Variants in CEP192 observed in about 807,000 individuals in gnomAD.
The protein encoded by CEP192 is centrosomal protein 192.
Under a neutral mutation model 271.8 loss-of-function variants are expected in CEP192, and 151 were observed. The observed-to-expected ratio is 0.56, with a 90% CI of 0.49 to 0.64. The LOEUF is 0.64. Ranked by LOEUF, CEP192 falls within the 30% of genes least tolerant of loss-of-function variation. The pLI, the probability that CEP192 is intolerant of heterozygous loss-of-function variation, is 0.00. For synonymous variants in CEP192, 995 were observed against 1,076.5 expected (o/e 0.92, Z 1.48); for missense variants, 2,910 against 3,020.5 (o/e 0.96, Z 0.86).
At chr18:13,072,957 T>G in intron 29 of CEP192, 52 bp from the exon 30 acceptor site, 1 of 1,570,012 alleles carries the variant, frequency 6.4e-7, no homozygotes, top group Non-Finnish European at 8.7e-7. Context: ...AATGGTATGT[T>G]TTATTTGTGC....
intron 28 of CEP192, 95 bp downstream of exon 28, chr18:13,071,307 C>T: frequency 1.9e-6 from 2 of 1,051,072 alleles, no homozygotes; most frequent in Non-Finnish European, 2.8e-6. Flanking sequence ...TCATAATAGA[C>T]ACTCTTCAGG....
chr18:13,064,873 A>T (rs1033709382), intron 21 of CEP192, among the ~76,000 whole-genome samples: 4 of 152,110 alleles, frequency 2.6e-5, no homozygotes, highest in Non-Finnish European at 5.9e-5. Flanking sequence ...GTGAGGTAGT[A>T]TGGACGTTTT....
chr18:13,100,016 A>G (rs1383279724), intron 37 of CEP192, among the ~76,000 whole-genome samples: 13 of 152,216 alleles, frequency 8.5e-5, no homozygotes, highest in Admixed American at 8.5e-4. Flanking sequence ...GAGCATTGGT[A>G]TAGAATTTTT....
At chr18:13,078,857 A>G (rs185505115) in intron 30 of CEP192, among the ~76,000 whole-genome samples, 37 of 152,128 alleles carry the variant, frequency 2.4e-4, no homozygotes, top group South Asian at 2.3e-3. Context: ...TCATTGTTCA[A>G]TTCCCACCTA....
At chr18:13,088,172 T>TA (rs2038982096) in intron 32 of CEP192, among the ~76,000 whole-genome samples, 2 of 152,340 alleles carry the variant, frequency 1.3e-5, no homozygotes, top group Admixed American at 6.5e-5. Flanking sequence ...AATTTAAATA[T>TA]AGGGCGGGCT....
chr18:13,084,619 C>T (rs906282229), intron 30 of CEP192, among the ~76,000 whole-genome samples: 14 of 152,204 alleles, frequency 9.2e-5, no homozygotes, highest in Admixed American at 2.0e-4. Flanking sequence ...GCTCACCCTC[C>T]GTGGGCTGCA....
intron 1 of CEP192, among the ~76,000 whole-genome samples, chr18:12,992,545 A>G (rs1414162425): frequency 1.3e-5 from 2 of 152,184 alleles, no homozygotes; most frequent in African/African-American, 2.4e-5. Flanking sequence ...TTCAAATAGG[A>G]TAGAAGAAAA....
intron 13 of CEP192, 93 bp from the exon 14 acceptor site, chr18:13,040,737 T>C: frequency 1.0e-6 from 1 of 974,700 alleles, no homozygotes; most frequent in East Asian, 2.6e-5. Context: ...TTTGATGTCA[T>C]TTAGCTGTTT....
intron 15 of CEP192, among the ~76,000 whole-genome samples, chr18:13,045,861 C>T (rs1405925998): frequency 6.6e-6 from 1 of 152,142 alleles, no homozygotes; most frequent in African/African-American, 2.4e-5. Context: ...AATGTCAATA[C>T]CAGCTTTCTT....
At chr18:13,099,261 C>T (rs547104430) in intron 36 of CEP192, among the ~76,000 whole-genome samples, 34 of 152,052 alleles carry the variant, frequency 2.2e-4, no homozygotes, top group African/African-American at 6.0e-4. Flanking sequence ...GTCATGGGTT[C>T]ATGCTGGTGA....
chr18:13,088,854 C>T (rs1284993873), intron 32 of CEP192: 2 of 433,026 alleles, frequency 4.6e-6, no homozygotes, highest in East Asian at 1.4e-4. Flanking sequence ...GGTTTTGTTT[C>T]TTAATTATTT....
At chr18:13,003,486 A>G (rs886879957) in intron 3 of CEP192, among the ~76,000 whole-genome samples, 2 of 150,592 alleles carry the variant, frequency 1.3e-5, no homozygotes, top group African/African-American at 4.9e-5. Context: ...GATATGAGCC[A>G]AGACTTGAGG....
intron 13 of CEP192, among the ~76,000 whole-genome samples, chr18:13,040,022 G>C (rs377477127): frequency 6.6e-6 from 1 of 152,192 alleles, no homozygotes; most frequent in Non-Finnish European, 1.5e-5. Flanking sequence ...ATTTCATTAA[G>C]AGTATGATTT....
chr18:13,063,820 AT>A lies in CEP192; in HGVS notation c.4489-3993del, dbSNP rs111552814. On this transcript the variant is annotated intron_variant, in intron 21 of 44. Transcript: ENST00000506447. ...ATCAATGTCCTGGAGATTTTCCCCAATTTTTTTTTTTTTTTTTTGAAATGGA... is the reference window on the plus strand; with the variant it reads ...ATCAATGTCCTGGAGATTTTCCCCAATTTTTTTTTTTTTTTTTGAAATGGA... Among the ~76,000 whole-genome samples the A allele has an allele frequency of 4.1e-3, 557 of 134,502 alleles. 4 individuals carry two copies. Among genetic ancestry groups the A allele is most frequent in the African/African-American group, 6.8e-3 (244 of 36,000 alleles). 88.2% of individuals were successfully genotyped at this position (134,502 alleles called of 152,430 possible).
Position 13,018,520 on chromosome 18 carries a change from A to C in CEP192, c.830A>C (p.Glu277Ala), listed in dbSNP as rs1285796019. The change falls in exon 8 of 45, where the codon GAA becomes GCA. Residue 277 changes from glutamate to alanine, a missense_variant. Glu to Ala is a moderately radical substitution (Grantham distance 107). Coordinates refer to ENST00000506447, the MANE Select transcript of CEP192 (RefSeq NM_032142.4). The stretch of plus-strand genomic sequence containing the variant: ...AGCTTAAACTGCAAGTTTCAATCAG[A>C]AAATAACAGCTCTCTGATTTCCCTC... Reference protein sequence around the residue: ...NGSLNCKFQSENNSSLISLDS... With the variant: ...NGSLNCKFQSANNSSLISLDS... 5 of 1,541,778 alleles carry C rather than the reference A, an allele frequency of 3.2e-6. No homozygotes were observed. Among genetic ancestry groups the C allele is most frequent in the Non-Finnish European group, 3.5e-6 (4 of 1,140,330 alleles).
Position 13,087,600 on chromosome 18 carries a change from G to A in CEP192, c.5947G>A (p.Val1983Ile). Residue 1983 changes from valine (V) to isoleucine (I), a missense_variant, in exon 32 of 45, where the codon GTA (valine) becomes ATA (isoleucine). Transcript: ENST00000506447. ...NNKTATELST[V>I]YLFGGDEISR... ...TAAAACTGCAACAGAACTATCAACTGTATACTTATTTGGTGGAGATGAAAT... is the reference window on the plus strand; with the variant it reads ...TAAAACTGCAACAGAACTATCAACTATATACTTATTTGGTGGAGATGAAAT... 1 of 1,581,522 alleles carries A rather than the reference G, an allele frequency of 6.3e-7. No homozygotes were observed. Among genetic ancestry groups the A allele is most frequent in the East Asian group, 2.3e-5 (1 of 43,774 alleles).
At chr18:13,103,972 G>A in intron 39 of CEP192, 1 of 418,050 alleles carries the variant, frequency 2.4e-6, no homozygotes, top group South Asian at 1.7e-5. Context: ...TTACAGGTGT[G>A]AGCTGCTGCA....
intron 1 of CEP192, among the ~76,000 whole-genome samples, chr18:12,998,751 T>C (rs1479155027): frequency 6.6e-6 from 1 of 152,204 alleles, no homozygotes; most frequent in Non-Finnish European, 1.5e-5. Context: ...CCATGCAGTG[T>C]GTATATGATA....
At chr18:13,032,920 A>T (rs1455666801) in intron 11 of CEP192, among the ~76,000 whole-genome samples, 1 of 151,942 alleles carries the variant, frequency 6.6e-6, no homozygotes, top group Non-Finnish European at 1.5e-5. Context: ...AAAGCTGACT[A>T]AGAACACACA....
Sources: gnomAD v4.1 joint callset for allele counts (sites outside exome capture counted in the v4.1 genomes callset) on GRCh38, gnomAD v4.1.1 for gene constraint, MANE v1.5 for transcripts, NCBI Gene and HGNC (gene_info 2026-07-23, HGNC 2026-07-21) for gene names.